Variants in RASGRF1 observed in about 807,000 individuals in gnomAD.
RASGRF1 encodes Ras protein specific guanine nucleotide releasing factor 1, also known as ras-specific guanine nucleotide-releasing factor 1.
A neutral mutation model predicts 138.7 loss-of-function variants in RASGRF1; 40 were observed. The ratio of observed to expected loss-of-function variants is 0.29; its 90% CI spans 0.22 to 0.38. RASGRF1 has a LOEUF of 0.38. Among genes scored for constraint, RASGRF1 ranks in the 10% least tolerant of loss-of-function variants. RASGRF1 has a pLI of 1.00. For synonymous variants in RASGRF1, 614 were observed against 663.2 expected, an observed-to-expected ratio of 0.93 and a Z score of 1.14; for missense variants, 1,108 against 1,650.4, an observed-to-expected ratio of 0.67 and a Z score of 5.69.
intron 3 of RASGRF1, among the ~76,000 whole-genome samples, chr15:79,053,913 A>G (rs969857474): frequency 8.5e-5 from 13 of 152,256 alleles, no homozygotes; most frequent in African/African-American, 3.1e-4. Context: ...AGAGCTGGTC[A>G]TGAAAAAAGT....
intron 1 of RASGRF1, among the ~76,000 whole-genome samples, chr15:79,075,378 G>A (rs922287754): frequency 1.3e-5 from 2 of 152,104 alleles, no homozygotes; most frequent in African/African-American, 2.4e-5. Flanking sequence ...GAGCTCCAGC[G>A]CATACCTGGC....
rs946203954 is a variant in RASGRF1 at position 79,015,110 on chromosome 15, TA to T, written c.1826+216del. Among the ~76,000 whole-genome samples, 6 of 147,064 alleles carry T rather than the reference TA, an allele frequency of 4.1e-5. No individual in the cohort carries two copies. The East Asian group carries it at 6.0e-4, about 15-fold the overall frequency. On this transcript the variant is annotated intron_variant, in intron 13 of 26. Transcript: ENST00000558480. Reference sequence around the variant, plus strand: ...ACAAAACCTATGGAAATAAAAAATTTAAAAAAAAAACCCAAAAAACTAAGCC... The same window carrying T: ...ACAAAACCTATGGAAATAAAAAATTTAAAAAAAAACCCAAAAAACTAAGCC...
intron 1 of RASGRF1, among the ~76,000 whole-genome samples, chr15:79,065,740 C>A (rs954023955): frequency 6.6e-6 from 1 of 152,040 alleles, no homozygotes; most frequent in Non-Finnish European, 1.5e-5. Flanking sequence ...ACGGGCCAGC[C>A]ATGGTGTGAC....
chr15:79,042,468 G>T (rs1436360293), intron 5 of RASGRF1, among the ~76,000 whole-genome samples: 2 of 152,244 alleles, frequency 1.3e-5, no homozygotes, highest in African/African-American at 4.8e-5. Context: ...CAAGTGAAAA[G>T]GTGGGGCTCA....
At chr15:78,975,266 A>C (rs2055848144) in intron 24 of RASGRF1, among the ~76,000 whole-genome samples, 1 of 152,136 alleles carries the variant, frequency 6.6e-6, no homozygotes, top group South Asian at 2.1e-4. Context: ...TGAAAAAGAA[A>C]ATATCTGACT....
At chr15:79,024,019 T>TCACA (rs79187609) in intron 10 of RASGRF1, among the ~76,000 whole-genome samples, 2,679 of 149,374 alleles carry the variant, frequency 0.018, 31 homozygotes, top group Non-Finnish European at 0.028. Context: ...GATACACACA[T>TCACA]CACACACACA....
At chr15:79,001,522 T>C (rs2056525318) in intron 16 of RASGRF1, 140 bp downstream of exon 16, 1 of 1,140,342 alleles carries the variant, frequency 8.8e-7, no homozygotes, top group Non-Finnish European at 1.2e-6. Flanking sequence ...GGGTGGGTTA[T>C]GAAATATCAG....
At chr15:79,089,114 G>T (rs543181637) in intron 1 of RASGRF1, among the ~76,000 whole-genome samples, 2 of 152,180 alleles carry the variant, frequency 1.3e-5, no homozygotes, top group Admixed American at 6.5e-5. Context: ...TTGAGATCTC[G>T]GTTGTCTTTT....
intron 20 of RASGRF1, among the ~76,000 whole-genome samples, chr15:78,992,363 G>A (rs2056289044): frequency 6.6e-6 from 1 of 152,212 alleles, no homozygotes; most frequent in Non-Finnish European, 1.5e-5. Flanking sequence ...GGCCACCCTT[G>A]GACACCATCA....
At chr15:79,055,119 G>C (rs988145789) in intron 3 of RASGRF1, among the ~76,000 whole-genome samples, 1 of 152,202 alleles carries the variant, frequency 6.6e-6, no homozygotes, top group Non-Finnish European at 1.5e-5. Context: ...CAGTGGTGGA[G>C]GCGAGAGACT....
chr15:79,051,513 T>G (rs912593613), intron 3 of RASGRF1, among the ~76,000 whole-genome samples: 6 of 152,240 alleles, frequency 3.9e-5, no homozygotes, highest in African/African-American at 1.4e-4. Context: ...CACTTTTACC[T>G]TCGGCTTCTT....
intron 3 of RASGRF1, 126 bp downstream of exon 3, chr15:79,058,208 G>C: frequency 1.4e-6 from 2 of 1,393,454 alleles, no homozygotes; most frequent in Non-Finnish European, 1.9e-6. Context: ...CCTAAGTTTG[G>C]AGTCTGGAAG....
At chr15:79,079,457 C>CAAA (rs11444328) in intron 1 of RASGRF1, among the ~76,000 whole-genome samples, 231 of 133,198 alleles carry the variant, frequency 1.7e-3, no homozygotes, top group African/African-American at 5.6e-3. Flanking sequence ...AGAGACTGGC[C>CAAA]AAAAAAAAAA....
chr15:79,064,704 G>A (rs2057653560), intron 1 of RASGRF1, 178 bp from the exon 2 acceptor site: 2 of 630,870 alleles, frequency 3.2e-6, no homozygotes, highest in African/African-American at 1.8e-5. Flanking sequence ...TCGATTAAAA[G>A]GGCTTTTGTA....
chr15:79,016,735 G>T (rs1409601207), intron 12 of RASGRF1, among the ~76,000 whole-genome samples: 1 of 152,248 alleles, frequency 6.6e-6, no homozygotes, highest in Non-Finnish European at 1.5e-5. Context: ...CTCTGGGACT[G>T]CGAGATGGGC....
intron 2 of RASGRF1, among the ~76,000 whole-genome samples, chr15:79,059,921 T>A (rs2057574933): frequency 6.7e-6 from 1 of 150,018 alleles, no homozygotes; most frequent in South Asian, 2.1e-4. Flanking sequence ...TACTTAATAC[T>A]CAATATGGCT....
rs2056905177 is a variant in RASGRF1, at chr15:79,017,997, T to C, written c.1607-91A>G. On this transcript the variant is annotated intron_variant, in intron 11 of 26. Transcript: ENST00000558480. ...TAGTGGTCCCTGTCGTACGTACCAG[T>C]GGAGGCTCTGCGTTGGTAAGGCACC... 16 of 1,487,686 alleles carry C rather than the reference T, an allele frequency of 1.1e-5. No individual in the cohort carries two copies. The South Asian group carries it at 2.0e-4, about 19-fold the overall frequency. The allele number at this position is 1,487,686 out of a possible 1,614,324, so 92.2% of individuals were successfully genotyped here.
chr15:79,007,773 G>A (rs944632524), intron 13 of RASGRF1, among the ~76,000 whole-genome samples: 2 of 150,650 alleles, frequency 1.3e-5, no homozygotes, highest in African/African-American at 4.9e-5. Flanking sequence ...GGCTGGTCTC[G>A]AATTCCAGGG....
At chr15:79,055,869 C>T (rs913584264) in intron 3 of RASGRF1, among the ~76,000 whole-genome samples, 3 of 152,298 alleles carry the variant, frequency 2.0e-5, no homozygotes, top group Middle Eastern at 6.8e-3. Context: ...GCCTGACAAC[C>T]GTCCACTCAT....
Sources: allele counts gnomAD v4.1 joint callset (sites outside exome capture counted in the v4.1 genomes callset), GRCh38; gene constraint gnomAD v4.1.1; transcripts MANE v1.5; gene names NCBI Gene and HGNC (gene_info 2026-07-23, HGNC 2026-07-21).